The following CSGALNACT1 variants were observed in gnomAD, a reference collection of about 807,000 sequenced individuals.
CSGALNACT1 encodes the protein chondroitin sulfate N-acetylgalactosaminyltransferase 1.
In CSGALNACT1, 52 loss-of-function variants were observed where a neutral mutation model predicts 51.0. The observed-to-expected ratio is 1.02, with a 90% confidence interval of 0.82 to 1.29. The LOEUF (loss-of-function observed/expected upper bound fraction) is 1.29, where lower values mean the gene tolerates loss of function less well. Ranked by LOEUF, CSGALNACT1 falls within the 50% of genes most tolerant of loss-of-function variation. The pLI is 0.00. For missense variants in CSGALNACT1, 935 were observed against 679.2 expected (o/e 1.38, Z -4.19); for synonymous variants, 341 against 254.4 (o/e 1.34, Z -3.24).
At chr8:19,452,180 C>T (rs1282973857) in intron 5 of CSGALNACT1, among the ~76,000 whole-genome samples, 1 of 152,312 alleles carries the variant, frequency 6.6e-6, no homozygotes, top group Non-Finnish European at 1.5e-5. Flanking sequence ...CCTGGCCCCA[C>T]TGACCGCCTC....
chr8:19,656,011 T>A (rs879361467), intron 1 of CSGALNACT1, among the ~76,000 whole-genome samples: 2 of 151,876 alleles, frequency 1.3e-5, no homozygotes, highest in African/African-American at 4.8e-5. Flanking sequence ...ACTTTGGAGG[T>A]TGAGCAGGAT....
chr8:19,479,581 G>A (rs981150075), intron 4 of CSGALNACT1, among the ~76,000 whole-genome samples: 1 of 151,926 alleles, frequency 6.6e-6, no homozygotes, highest in African/African-American at 2.4e-5. Context: ...GAAGGCTTGG[G>A]GGAATTGTGA....
At chr8:19,443,869 T>A (rs1454670025) in intron 5 of CSGALNACT1, among the ~76,000 whole-genome samples, 2 of 152,102 alleles carry the variant, frequency 1.3e-5, no homozygotes, top group Admixed American at 1.3e-4. Flanking sequence ...GAAGACAATT[T>A]TTCCACACTG....
rs1177381331 is a variant in CSGALNACT1 at position 19,510,619 on chromosome 8, AACAG to A, written c.-296-4493_-296-4490del. Among the ~76,000 whole-genome samples, 18 of 152,320 alleles carry A rather than the reference AACAG, an allele frequency of 1.2e-4. No individual in the cohort carries two copies. In the South Asian group the frequency reaches 1.2e-3, roughly 11 times the overall value. ...TCAAATAACTATAATCTGAGCCCCA[AACAG>A]ACAAATACCATTAAAATAGATATAA... On this transcript the variant is annotated intron_variant, in intron 3 of 9. Transcript: ENST00000454498.
chr8:19,537,739 C>G (rs376122343), intron 3 of CSGALNACT1, among the ~76,000 whole-genome samples: 2 of 152,126 alleles, frequency 1.3e-5, no homozygotes, highest in African/African-American at 2.4e-5. Flanking sequence ...ACACCTCATA[C>G]AAAAATTAAA....
At chr8:19,534,296 A>T (rs2083336690) in intron 3 of CSGALNACT1, among the ~76,000 whole-genome samples, 1 of 152,084 alleles carries the variant, frequency 6.6e-6, no homozygotes, top group Admixed American at 6.6e-5. Context: ...TACCAAAAAA[A>T]TACAGAAATT....
intron 8 of CSGALNACT1, among the ~76,000 whole-genome samples, chr8:19,410,172 G>C (rs2055346175): frequency 6.6e-6 from 1 of 152,196 alleles, no homozygotes; most frequent in Non-Finnish European, 1.5e-5. Context: ...GACTGCTCAA[G>C]GAAAGTAGAA....
chr8:19,608,117 C>T (rs1162410570), intron 1 of CSGALNACT1, among the ~76,000 whole-genome samples: 1 of 152,178 alleles, frequency 6.6e-6, no homozygotes, highest in Non-Finnish European at 1.5e-5. Context: ...TCATTGTGGC[C>T]TTTCCATCGC....
At chr8:19,527,987 T>C (rs1454625072) in intron 3 of CSGALNACT1, among the ~76,000 whole-genome samples, 1 of 152,004 alleles carries the variant, frequency 6.6e-6, no homozygotes, top group African/African-American at 2.4e-5. Context: ...GAAAAGGTGG[T>C]GCTGAGTCTA....
At chr8:19,720,672 C>T (rs1409732347) in intron 1 of CSGALNACT1, among the ~76,000 whole-genome samples, 1 of 152,122 alleles carries the variant, frequency 6.6e-6, no homozygotes, top group Non-Finnish European at 1.5e-5. Context: ...TCTCTCTCCA[C>T]CCTCCCTCCC....
At chr8:19,688,939 T>G (rs938129547) in intron 1 of CSGALNACT1, 35 of 152,254 alleles carry the variant, frequency 2.3e-4, no homozygotes, top group African/African-American at 8.4e-4. Flanking sequence ...CGTGCAGCCA[T>G]GCATGTCCAC....
intron 3 of CSGALNACT1, among the ~76,000 whole-genome samples, chr8:19,560,066 A>G (rs760997850): frequency 1.3e-5 from 2 of 152,226 alleles, no homozygotes; most frequent in Non-Finnish European, 2.9e-5. Context: ...ACACTTGGAA[A>G]TAGACCCCCA....
chr8:19,498,674 C>T (rs1367351700), intron 4 of CSGALNACT1, among the ~76,000 whole-genome samples: 1 of 152,184 alleles, frequency 6.6e-6, no homozygotes, highest in African/African-American at 2.4e-5. Flanking sequence ...GCAGCCAGAA[C>T]CCCTCTTTCC....
rs554458771 is a variant in CSGALNACT1, at chr8:19,536,208, C to A, written c.-296-30078G>T. On this transcript the variant is annotated intron_variant, in intron 3 of 9. Transcript: ENST00000454498. ...ATGATGATGTAAAATGTAGATTCAT[C>A]AATTTAACAAATATATCACTCTGGT... Among the ~76,000 whole-genome samples the A allele has an allele frequency of 4.6e-5, 7 of 152,190 alleles. No individual in the cohort carries two copies. In the South Asian group the frequency reaches 1.5e-3, roughly 32 times the overall value.
At chr8:19,433,009 G>A (rs2059868173) in intron 6 of CSGALNACT1, among the ~76,000 whole-genome samples, 1 of 150,746 alleles carries the variant, frequency 6.6e-6, no homozygotes, top group South Asian at 2.1e-4. Flanking sequence ...CATAATTTTT[G>A]CTAAAAATTG....
Position 19,642,514 on chromosome 8 carries a change from T to C in CSGALNACT1, c.-544+39959A>G, listed in dbSNP as rs376389283. Among the ~76,000 whole-genome samples, 42 of 152,270 alleles carry C rather than the reference T, an allele frequency of 2.8e-4. No homozygotes were observed. The East Asian group carries it at 3.5e-3, about 13-fold the overall frequency. On this transcript the variant is annotated intron_variant, in intron 1 of 9. Coordinates refer to the CSGALNACT1 transcript ENST00000332246. ...AGCTGAGAGTAGTGGCTCATGCCTG[T>C]AATCCCAGGACTTTGGGAGGCCAAG...
chr8:19,428,468 T>C (rs74552798), intron 6 of CSGALNACT1, among the ~76,000 whole-genome samples: 276 of 152,120 alleles, frequency 1.8e-3, no homozygotes, highest in African/African-American at 6.3e-3. Flanking sequence ...CCATGAGAAC[T>C]GTGTGGGGGA....
In CSGALNACT1 at chr8:19,649,819, C is replaced by CAAAAA. The variant is rs57549612; in HGVS notation, c.-544+32649_-544+32653dup. On this transcript the variant is annotated intron_variant, in intron 1 of 9. Transcript: ENST00000332246. ...AAGAAATTAAATGCATTCCAAGTAGCAAAAAAAAAAAAAAAAAAAAAAAAA... is the reference window on the plus strand; with the variant it reads ...AAGAAATTAAATGCATTCCAAGTAGCAAAAAAAAAAAAAAAAAAAAAAAAAAAAAA... 8.2e-4 allele frequency among the ~76,000 whole-genome samples: 24 copies of CAAAAA among 29,412 alleles called. 6 individuals carry two copies. Among genetic ancestry groups the CAAAAA allele is most frequent in the Admixed American group, 2.9e-3 (4 of 1,386 alleles). 19.3% of individuals were successfully genotyped at this position (29,412 alleles called of 152,430 possible).
At chr8:19,516,901 C>G (rs1000539481) in intron 3 of CSGALNACT1, among the ~76,000 whole-genome samples, 1 of 152,206 alleles carries the variant, frequency 6.6e-6, no homozygotes, top group African/African-American at 2.4e-5. Flanking sequence ...GCCTTTGCTC[C>G]TGGAGTTTCC....
Sources: gnomAD v4.1 joint callset for allele counts (sites outside exome capture counted in the v4.1 genomes callset) on GRCh38, gnomAD v4.1.1 for gene constraint, MANE v1.5 for transcripts, NCBI Gene and HGNC (gene_info 2026-07-23, HGNC 2026-07-21) for gene names.